CACNG3: variants seen among roughly 807,000 people sequenced by gnomAD.
CACNG3 encodes the protein voltage-dependent calcium channel gamma-3 subunit.
CACNG3 carries 3 observed loss-of-function variants against 28.5 expected under a neutral mutation model. That is an observed-to-expected ratio of 0.11 (90% CI 0.05 to 0.27). The LOEUF is 0.27. Ranked by LOEUF, CACNG3 falls within the 10% of genes least tolerant of loss-of-function variation. The pLI is 1.00. For missense variants in CACNG3, 236 were observed against 414.4 expected, an observed-to-expected ratio of 0.57 and a Z score of 3.74; for synonymous variants, 174 against 162.2, an observed-to-expected ratio of 1.07 and a Z score of -0.55.
chr16:24,357,716 T>A (rs904293309), intron 3 of CACNG3, among the ~76,000 whole-genome samples: 1 of 152,200 alleles, frequency 6.6e-6, no homozygotes, highest in Non-Finnish European at 1.5e-5. Flanking sequence ...ACTTGTTTTG[T>A]CTTGAGGCAC....
At chr16:24,358,267 C>T (rs1900062236) in intron 3 of CACNG3, among the ~76,000 whole-genome samples, 2 of 152,246 alleles carry the variant, frequency 1.3e-5, no homozygotes, top group South Asian at 4.1e-4. Context: ...GCTCTGAAGT[C>T]AGGCTGCCTG....
At chr16:24,327,347 C>T (rs556904017) in intron 1 of CACNG3, among the ~76,000 whole-genome samples, 1 of 149,190 alleles carries the variant, frequency 6.7e-6, no homozygotes, top group South Asian at 2.1e-4. Flanking sequence ...TCACTTGAGC[C>T]CTCACTTCGA....
intron 2 of CACNG3, among the ~76,000 whole-genome samples, chr16:24,347,181 G>A (rs898441387): frequency 6.6e-6 from 1 of 152,126 alleles, no homozygotes; most frequent in African/African-American, 2.4e-5. Flanking sequence ...AGCTGCATGT[G>A]GTGGCACACA....
chr16:24,352,427 A>T (rs1210870088), intron 2 of CACNG3, among the ~76,000 whole-genome samples: 1 of 152,074 alleles, frequency 6.6e-6, no homozygotes, highest in East Asian at 1.9e-4. Context: ...TTCAAAATAT[A>T]AAGTACACAC....
At chr16:24,352,910 A>G (rs1267643189) in intron 2 of CACNG3, among the ~76,000 whole-genome samples, 1 of 152,136 alleles carries the variant, frequency 6.6e-6, no homozygotes, top group African/African-American at 2.4e-5. Flanking sequence ...CCTTGGTTCC[A>G]TGTTCTGCTG....
At chr16:24,310,785 G>A (rs575121243) in intron 1 of CACNG3, among the ~76,000 whole-genome samples, 40 of 152,180 alleles carry the variant, frequency 2.6e-4, no homozygotes, top group Non-Finnish European at 5.4e-4. Context: ...ATTTGAACCT[G>A]GATAGTCTGC....
intron 1 of CACNG3, among the ~76,000 whole-genome samples, chr16:24,343,715 A>G (rs751327135): frequency 1.3e-5 from 2 of 152,220 alleles, no homozygotes; most frequent in Non-Finnish European, 2.9e-5. Flanking sequence ...GGTAAATGTC[A>G]AGCTGTGTCC....
chr16:24,302,405 C>G (rs1227758110), intron 1 of CACNG3, among the ~76,000 whole-genome samples: 1 of 152,144 alleles, frequency 6.6e-6, no homozygotes, highest in East Asian at 1.9e-4. Context: ...AAAATACAAC[C>G]AACGGAGTCA....
chr16:24,320,376 T>A (rs1449282362), intron 1 of CACNG3, among the ~76,000 whole-genome samples: 1 of 152,156 alleles, frequency 6.6e-6, no homozygotes, highest in African/African-American at 2.4e-5. Context: ...ATAAAGACCA[T>A]GAATACTTTC....
intron 1 of CACNG3, among the ~76,000 whole-genome samples, chr16:24,263,265 C>A (rs184927008): frequency 1.3e-5 from 2 of 152,034 alleles, no homozygotes; most frequent in South Asian, 2.1e-4. Context: ...TATTTCAAAA[C>A]CTTTTCACTG....
intron 1 of CACNG3, among the ~76,000 whole-genome samples, chr16:24,285,905 G>A (rs28433134): frequency 0.14 from 20,154 of 148,004 alleles, 1,475 homozygotes; most frequent in Middle Eastern, 0.17. Context: ...GAGCAGTGGC[G>A]CGATCTCAGC....
intron 1 of CACNG3, among the ~76,000 whole-genome samples, chr16:24,297,462 A>G (rs901503165): frequency 1.3e-5 from 2 of 151,946 alleles, no homozygotes; most frequent in African/African-American, 2.4e-5. Context: ...AAACCCTCTC[A>G]CCTTACAACT....
intron 1 of CACNG3, among the ~76,000 whole-genome samples, chr16:24,337,836 G>T (rs1899732012): frequency 6.7e-6 from 1 of 150,286 alleles, no homozygotes; most frequent in Non-Finnish European, 1.5e-5. Flanking sequence ...AGTTGGGGCT[G>T]ACCTTGGTCC....
intron 1 of CACNG3, among the ~76,000 whole-genome samples, chr16:24,294,137 C>T (rs114078271): frequency 6.6e-6 from 1 of 152,178 alleles, no homozygotes; most frequent in African/African-American, 2.4e-5. Flanking sequence ...GGTGCAGAAG[C>T]AGGAAGAAAA....
chr16:24,305,717 A>G (rs1256863689), intron 1 of CACNG3, among the ~76,000 whole-genome samples: 4 of 152,116 alleles, frequency 2.6e-5, no homozygotes, highest in Non-Finnish European at 4.4e-5. Flanking sequence ...AACCTAGATA[A>G]CGGGTTGATA....
intron 1 of CACNG3, among the ~76,000 whole-genome samples, chr16:24,301,256 T>C (rs1264676183): frequency 2.7e-5 from 4 of 149,040 alleles, no homozygotes; most frequent in Non-Finnish European, 6.0e-5. Context: ...GATCCATGAA[T>C]ATCTTTTTAT....
intron 1 of CACNG3, among the ~76,000 whole-genome samples, chr16:24,305,374 G>T (rs897632659): frequency 5.6e-5 from 8 of 143,536 alleles, no homozygotes; most frequent in Admixed American, 2.2e-4. Context: ...GTGTAGACAG[G>T]TTTAGAGACA....
intron 1 of CACNG3, among the ~76,000 whole-genome samples, chr16:24,290,850 G>A (rs1898956714): frequency 1.3e-5 from 2 of 152,172 alleles, no homozygotes. Flanking sequence ...TTTAGAACAT[G>A]TAGATACACA....
chr16:24,259,714 G>T (rs1008290621), intron 1 of CACNG3, among the ~76,000 whole-genome samples: 2 of 152,156 alleles, frequency 1.3e-5, no homozygotes, highest in African/African-American at 2.4e-5. Context: ...GCCTCAAGGA[G>T]GTAGAAGTAG....
Sources: gnomAD v4.1 joint callset for allele counts (sites outside exome capture counted in the v4.1 genomes callset) on GRCh38, gnomAD v4.1.1 for gene constraint, MANE v1.5 for transcripts, NCBI Gene and HGNC (gene_info 2026-07-23, HGNC 2026-07-21) for gene names.